Variants in ERICH1 observed in about 807,000 individuals in gnomAD.
The protein encoded by ERICH1 is glutamate rich 1.
In ERICH1, 56 loss-of-function variants were observed where a neutral mutation model predicts 39.6. The ratio of observed to expected loss-of-function variants is 1.41; its 90% CI spans 1.14 to 1.77. The LOEUF is 1.77. Ranked by LOEUF, ERICH1 falls within the 40% of genes most tolerant of loss-of-function variation. ERICH1 has a pLI of 0.00. For missense variants in ERICH1, 826 were observed against 575.4 expected, an observed-to-expected ratio of 1.44 and a Z score of -4.45; for synonymous variants, 313 against 223.6, an observed-to-expected ratio of 1.40 and a Z score of -3.57.
chr8:683,024 T>G (rs966579332), intron 3 of ERICH1, among the ~76,000 whole-genome samples: 2 of 152,216 alleles, frequency 1.3e-5, no homozygotes, highest in Admixed American at 6.5e-5. Flanking sequence ...TTGCTGAGTG[T>G]GTTGTTTGCC....
At chr8:706,248 C>T (rs1430525270) in intron 2 of ERICH1, among the ~76,000 whole-genome samples, 1 of 152,260 alleles carries the variant, frequency 6.6e-6, no homozygotes. Flanking sequence ...AAATCCACAA[C>T]AAAAATGTAA....
intron 2 of ERICH1, among the ~76,000 whole-genome samples, chr8:710,171 T>C (rs1045019642): frequency 3.9e-5 from 6 of 152,204 alleles, no homozygotes; most frequent in Non-Finnish European, 1.5e-5. Flanking sequence ...TTCACTCTCG[T>C]ACATCCTGTG....
At chr8:670,637 T>C (rs1218562784) in intron 4 of ERICH1, among the ~76,000 whole-genome samples, 1 of 152,184 alleles carries the variant, frequency 6.6e-6, no homozygotes, top group African/African-American at 2.4e-5. Flanking sequence ...GCCAAGAGGC[T>C]CCTATGTTAT....
chr8:684,790 GC>G (rs1448774138), intron 3 of ERICH1, among the ~76,000 whole-genome samples: 2 of 152,176 alleles, frequency 1.3e-5, no homozygotes, highest in African/African-American at 2.4e-5. Flanking sequence ...GTTCCGTGAT[GC>G]CCCCTGAGCC....
At chr8:708,503 G>C (rs1019169644) in intron 2 of ERICH1, among the ~76,000 whole-genome samples, 1 of 152,008 alleles carries the variant, frequency 6.6e-6, no homozygotes, top group African/African-American at 2.4e-5. Context: ...GCTACAACAT[G>C]AATGAACCTT....
Position 673,873 on chromosome 8 carries a change from T to G in ERICH1, c.479A>C (p.Asn160Thr), listed in dbSNP as rs773789316. ...QHTDGTTISK[N>T]KKRKLKKKQQ... ...TTTCTTTTTCAGTTTCCTTTTTTTA[T>G]TTTTGCTTATTGTGGTGCCATCTGT... The change falls in exon 4 of 6, where the codon AAT (asparagine) becomes ACT (threonine). Residue 160 changes from asparagine (N) to threonine (T), a missense_variant. By Grantham distance (65) the Asn-to-Thr change is moderately conservative. Transcript: ENST00000262109. 58 of 1,613,588 alleles carry G rather than the reference T, an allele frequency of 3.6e-5. No individual in the cohort carries two copies. The highest frequency in any genetic ancestry group is 4.8e-5 in the Non-Finnish European group (57 of 1,180,008).
intron 1 of ERICH1, among the ~76,000 whole-genome samples, chr8:726,619 T>C (rs547249755): frequency 1.8e-4 from 24 of 133,108 alleles, no homozygotes; most frequent in South Asian, 7.4e-4. Context: ...TGCATGCACA[T>C]AGACACAGGT....
intron 3 of ERICH1, among the ~76,000 whole-genome samples, chr8:688,296 T>TTCCTCCGCCCCGCCCCGGCCCC (rs1585319087): frequency 3.2e-4 from 5 of 15,818 alleles, no homozygotes; most frequent in East Asian, 6.5e-4. Context: ...GCCCCGGCCC[T>TTCCTCCGCCCCGCCCCGGCCCC]TCCGCCGCCC....
rs186574610 is a variant in ERICH1, at chr8:655,040, C to T, written c.976+13558G>A. Among the ~76,000 whole-genome samples, 3 of 152,330 alleles carry T rather than the reference C, an allele frequency of 2.0e-5. No homozygotes were observed. In the East Asian group the frequency reaches 5.8e-4, roughly 29 times the overall value. On this transcript the variant is annotated intron_variant, in intron 3 of 3. Transcript: ENST00000522706. ...TAGTAACAAATTCCCTTCAGCCCAG[C>T]TCACTACAGAAAGCCGTGGAGAACA...
intron 3 of ERICH1, among the ~76,000 whole-genome samples, chr8:652,955 C>A (rs1363695131): frequency 6.6e-6 from 1 of 152,106 alleles, no homozygotes; most frequent in Non-Finnish European, 1.5e-5. Context: ...GAAATAAGTG[C>A]TGGAGAGGAT....
At chr8:632,614 A>C (rs751076214) in intron 3 of ERICH1, among the ~76,000 whole-genome samples, 1 of 152,186 alleles carries the variant, frequency 6.6e-6, no homozygotes, top group African/African-American at 2.4e-5. Flanking sequence ...AAAGTGAAAA[A>C]CCCAAAGAAA....
At chr8:639,171 G>A (rs1190483870) in intron 3 of ERICH1, among the ~76,000 whole-genome samples, 1 of 152,110 alleles carries the variant, frequency 6.6e-6, no homozygotes, top group Non-Finnish European at 1.5e-5. Context: ...CTTGGATTCT[G>A]CTTTTTCTAC....
chr8:650,514 C>T (rs1434679863), intron 3 of ERICH1, among the ~76,000 whole-genome samples: 1 of 151,140 alleles, frequency 6.6e-6, no homozygotes, highest in Non-Finnish European at 1.5e-5. Flanking sequence ...GCTTGACCTC[C>T]CAGCAGCAGC....
chr8:671,981 A>T (rs569550185), intron 4 of ERICH1: 4 of 156,976 alleles, frequency 2.5e-5, no homozygotes, highest in African/African-American at 7.2e-5. Flanking sequence ...TCTGGGCTCC[A>T]CCAGGTCCTT....
intron 2 of ERICH1, among the ~76,000 whole-genome samples, chr8:713,807 G>A (rs558665934): frequency 4.0e-4 from 61 of 152,174 alleles, no homozygotes; most frequent in Non-Finnish European, 6.8e-4. Context: ...ACACAAATGC[G>A]TGGAGAACAA....
chr8:716,491 C>G (rs1255897485), intron 1 of ERICH1, among the ~76,000 whole-genome samples: 1 of 152,220 alleles, frequency 6.6e-6, no homozygotes, highest in East Asian at 1.9e-4. Context: ...CCTCTGGGAA[C>G]CCACGGTCTG....
At position 711,501 on chromosome 8, in the gene ERICH1, C is replaced by CT. The variant is rs1353584492; in HGVS notation, c.169+4359dup. ...TGCATTTTACACTCAGGTGTAAGAT[C>CT]TTTTTTTTTTTTTTTGAGATGGAGT... On this transcript the variant is annotated intron_variant, in intron 2 of 5. Transcript: ENST00000262109. 6.8e-3 allele frequency among the ~76,000 whole-genome samples: 973 copies of CT among 142,190 alleles called. 6 individuals are homozygous for CT. Among genetic ancestry groups the CT allele is most frequent in the Middle Eastern group, 0.018 (5 of 274 alleles). 93.3% of individuals were successfully genotyped at this position (142,190 alleles called of 152,430 possible). A position where few individuals can be genotyped will look rare whatever the true frequency, so the allele number is the denominator to read the frequency against.
At chr8:617,140 A>G (rs1023253662) in intron 3 of ERICH1, among the ~76,000 whole-genome samples, 4 of 152,184 alleles carry the variant, frequency 2.6e-5, no homozygotes. Context: ...AAACTGAGAA[A>G]GAAAGAAGGC....
chr8:716,496 G>C (rs1051064207), intron 1 of ERICH1, among the ~76,000 whole-genome samples: 1 of 152,198 alleles, frequency 6.6e-6, no homozygotes, highest in African/African-American at 2.4e-5. Flanking sequence ...GGGAACCCAC[G>C]GTCTGCACTC....
Sources: gnomAD v4.1 joint callset for allele counts (sites outside exome capture counted in the v4.1 genomes callset) on GRCh38, gnomAD v4.1.1 for gene constraint, MANE v1.5 for transcripts, NCBI Gene and HGNC (gene_info 2026-07-23, HGNC 2026-07-21) for gene names.